Variants in SIK3 observed in about 807,000 individuals in gnomAD.
The protein encoded by SIK3 is serine/threonine-protein kinase SIK3.
A neutral mutation model predicts 144.2 loss-of-function variants in SIK3; 28 were observed. The observed-to-expected ratio is 0.19, with a 90% CI of 0.14 to 0.27. The LOEUF (loss-of-function observed/expected upper bound fraction) is 0.27, where lower values mean the gene tolerates loss of function less well. Ranked by LOEUF, SIK3 falls within the 10% of genes least tolerant of loss-of-function variation. The probability of loss-of-function intolerance (pLI) is 1.00; values close to 1 mark genes in which losing one functional copy is unlikely to be tolerated. For missense variants in SIK3, 1,319 were observed against 1,776.0 expected (o/e 0.74, Z 4.62); for synonymous variants, 686 against 676.3 (o/e 1.01, Z -0.22).
At chr11:116,852,045 G>A (rs541786931) in intron 21 of SIK3, among the ~76,000 whole-genome samples, 18 of 152,210 alleles carry the variant, frequency 1.2e-4, no homozygotes, top group African/African-American at 1.9e-4. Flanking sequence ...TTTGCTCTCC[G>A]CAAGGACAAA....
At chr11:117,083,326 G>A (rs1954868093) in intron 1 of SIK3, among the ~76,000 whole-genome samples, 1 of 152,112 alleles carries the variant, frequency 6.6e-6, no homozygotes, top group South Asian at 2.1e-4. Context: ...TTATTCCTGA[G>A]AACTGTGAAA....
intron 4 of SIK3, among the ~76,000 whole-genome samples, chr11:116,902,560 CTA>C (rs1459639508): frequency 6.6e-6 from 1 of 152,222 alleles, no homozygotes; most frequent in African/African-American, 2.4e-5. Flanking sequence ...CCTGCTTCCA[CTA>C]TGTTACATCC....
chr11:116,851,657 C>G (rs1174425559), intron 21 of SIK3, among the ~76,000 whole-genome samples: 1 of 152,174 alleles, frequency 6.6e-6, no homozygotes, highest in Non-Finnish European at 1.5e-5. Flanking sequence ...CAGCCAGAAG[C>G]CAACTATTTT....
intron 1 of SIK3, among the ~76,000 whole-genome samples, chr11:117,023,621 A>AAAAAAAAATAT (rs754624841): frequency 1.0e-5 from 1 of 95,422 alleles, no homozygotes; most frequent in African/African-American, 4.3e-5. Context: ...AAAAAAAAAA[A>AAAAAAAAATAT]ATATATATAT....
At chr11:116,874,482 T>G (rs898375074) in intron 11 of SIK3, among the ~76,000 whole-genome samples, 1 of 152,246 alleles carries the variant, frequency 6.6e-6, no homozygotes, top group African/African-American at 2.4e-5. Flanking sequence ...AGATAAGTAC[T>G]AGATGTACAG....
chr11:116,881,455 G>C (rs1224962363), intron 6 of SIK3, among the ~76,000 whole-genome samples: 1 of 152,210 alleles, frequency 6.6e-6, no homozygotes, highest in East Asian at 1.9e-4. Flanking sequence ...TTTGTGGGGA[G>C]AGAGCTGCTG....
chr11:117,044,757 C>T (rs914947451), intron 1 of SIK3, among the ~76,000 whole-genome samples: 3 of 152,260 alleles, frequency 2.0e-5, no homozygotes, highest in Admixed American at 6.5e-5. Context: ...TGGTGGTATA[C>T]GCTTGTTGTC....
At chr11:117,076,137 C>T (rs12274725) in intron 1 of SIK3, among the ~76,000 whole-genome samples, 11,031 of 152,152 alleles carry the variant, frequency 0.072, 485 homozygotes, top group Middle Eastern at 0.11. Flanking sequence ...GTGTGAGCCA[C>T]TGCACCCGGC....
chr11:117,025,242 A>T (rs957571836), intron 1 of SIK3, among the ~76,000 whole-genome samples: 1 of 152,206 alleles, frequency 6.6e-6, no homozygotes, highest in East Asian at 1.9e-4. Flanking sequence ...CTTGAAAAAA[A>T]TCACTGATCC....
At chr11:116,956,635 G>A (rs1949149429) in intron 2 of SIK3, among the ~76,000 whole-genome samples, 1 of 152,020 alleles carries the variant, frequency 6.6e-6, no homozygotes, top group African/African-American at 2.4e-5. Context: ...TTAGAACTCT[G>A]AACTAAATAA....
rs35775477 is a variant in SIK3 at position 116,972,086 on chromosome 11, C to CAAA, written c.274-15025_274-15023dup. Among the ~76,000 whole-genome samples, 18 of 111,992 alleles carry CAAA rather than the reference C, an allele frequency of 1.6e-4. 1 individual carries two copies. Among genetic ancestry groups the CAAA allele is most frequent in the Admixed American group, 1.1e-3 (12 of 10,966 alleles). 73.5% of individuals were successfully genotyped at this position (111,992 alleles called of 152,430 possible). The stretch of plus-strand genomic sequence containing the variant: ...TGGGCAACAGAGCGAGACTCGGTCT[C>CAAA]AAAAAAAAAAAAAAAAGAAAAGAAT... On this transcript the variant is annotated intron_variant, in intron 1 of 24. Coordinates refer to ENST00000445177, the MANE Select transcript of SIK3 (RefSeq NM_001366686.3).
intron 23 of SIK3, 142 bp downstream of exon 23, chr11:116,847,328 GGGGAAA>G (rs1846830887): frequency 3.6e-6 from 4 of 1,115,672 alleles, no homozygotes; most frequent in Non-Finnish European, 5.2e-6. Context: ...GAAGACCAGT[GGGGAAA>G]GGGGCTGTGT....
chr11:116,990,983 A>G (rs1355998208), intron 1 of SIK3, among the ~76,000 whole-genome samples: 1 of 152,232 alleles, frequency 6.6e-6, no homozygotes, highest in African/African-American at 2.4e-5. Context: ...TGTGCTTTAC[A>G]TATTATCCCG....
intron 2 of SIK3, among the ~76,000 whole-genome samples, chr11:116,956,678 T>C (rs777176068): frequency 9.2e-5 from 14 of 152,202 alleles, no homozygotes; most frequent in Non-Finnish European, 1.6e-4. Flanking sequence ...AATTAACATT[T>C]TGTGTAGTTG....
Position 116,878,381 on chromosome 11 carries a change from C to CTTTT in SIK3, c.866-1343_866-1340dup, listed in dbSNP as rs35807799. ...CCAAGGCTCCTACTTCTCTCTCTCC[C>CTTTT]TTTTTTTTTTTTTTTTACATAGAGT... is the stretch of plus-strand genomic sequence containing the variant. On this transcript the variant is annotated intron_variant, in intron 6 of 24. Transcript: ENST00000445177. 4.2e-5 allele frequency among the ~76,000 whole-genome samples: 6 copies of CTTTT among 144,294 alleles called. No individual in the cohort carries two copies. The East Asian group carries it at 1.2e-3, about 29-fold the overall frequency. 94.7% of individuals were successfully genotyped at this position (144,294 alleles called of 152,430 possible). A position where few individuals can be genotyped will look rare whatever the true frequency, so the allele number is the denominator to read the frequency against.
Position 116,947,184 on chromosome 11 carries a change from A to ATATATTATATATAAATTATTTATATATT in SIK3, c.454+6859_454+6860insAATATATAAATAATTTATATATAATATA, listed in dbSNP as rs1303411228. 9.9e-4 allele frequency among the ~76,000 whole-genome samples: 120 copies of ATATATTATATATAAATTATTTATATATT among 121,550 alleles called. 1 individual carries two copies. The highest frequency in any genetic ancestry group is 4.4e-3 in the African/African-American group (119 of 26,846). 79.7% of individuals were successfully genotyped at this position (121,550 alleles called of 152,430 possible). A position where few individuals can be genotyped will look rare whatever the true frequency, so the allele number is the denominator to read the frequency against. ...TATATATAAATTATTATTTATATAT[A>ATATATTATATATAAATTATTTATATATT]ATATATTATATACAAATTATTATTT... is the stretch of plus-strand genomic sequence containing the variant. On this transcript the variant is annotated intron_variant, in intron 3 of 24. Transcript: ENST00000445177.
rs77046570 is a variant in SIK3, at chr11:116,873,920, C to T, written c.1564G>A (p.Gly522Arg). The T allele has an allele frequency of 3.9e-5, 63 of 1,612,678 alleles. No individual in the cohort carries two copies. Among genetic ancestry groups the T allele is most frequent in the Non-Finnish European group, 4.8e-5 (57 of 1,179,474 alleles). Reference sequence around the variant, plus strand: ...CTAGGTACCTTGTACTCAAGTTGCCCGGTTGGTTGCAAGTTTTGCATAGGC... The same window carrying T: ...CTAGGTACCTTGTACTCAAGTTGCCTGGTTGGTTGCAAGTTTTGCATAGGC... ...LLPMQNLQPT[G>R]QLEYKEQSLL... is the part of the protein sequence containing the mutation. The change falls in exon 12 of 25, where the codon GGG becomes AGG. Residue 522 changes from glycine (G) to arginine (R), a missense_variant. Physicochemically the swap from Gly to Arg is moderately radical, Grantham distance 125. Around this residue, in one of 8 missense-constraint regions of SIK3, gnomAD observed 167 missense variants for 263.3 expected, o/e 0.63. Coordinates refer to ENST00000445177, the MANE Select transcript of SIK3 (RefSeq NM_001366686.3).
chr11:116,966,912 G>A (rs1056274502), intron 1 of SIK3, among the ~76,000 whole-genome samples: 5 of 149,704 alleles, frequency 3.3e-5, no homozygotes, highest in African/African-American at 1.2e-4. Context: ...GGCTGAGGCA[G>A]GGGAATTGCT....
chr11:116,956,464 G>C (rs1184447182), intron 2 of SIK3, among the ~76,000 whole-genome samples: 1 of 152,048 alleles, frequency 6.6e-6, no homozygotes, highest in East Asian at 1.9e-4. Context: ...GAATAGAAAA[G>C]AGGTAGGTTT....
Sources: allele counts gnomAD v4.1 joint callset (sites outside exome capture counted in the v4.1 genomes callset), GRCh38; gene constraint gnomAD v4.1.1; regional missense constraint gnomAD v4.1.1; transcripts MANE v1.5; gene names NCBI Gene and HGNC (gene_info 2026-07-23, HGNC 2026-07-21).